DLC1: variants seen among roughly 807,000 people sequenced by gnomAD.
DLC1 encodes DLC1 Rho GTPase activating protein.
DLC1 carries 54 observed loss-of-function variants against 140.3 expected under a neutral mutation model. The observed-to-expected ratio is 0.38, with a 90% confidence interval of 0.31 to 0.48. The LOEUF (loss-of-function observed/expected upper bound fraction) is 0.48, where lower values mean the gene tolerates loss of function less well. Among genes scored for constraint, DLC1 ranks in the 20% least tolerant of loss-of-function variants. The probability of loss-of-function intolerance (pLI) is 0.96; values close to 1 mark genes in which losing one functional copy is unlikely to be tolerated. For synonymous variants in DLC1, 986 were observed against 728.1 expected (o/e 1.35, Z -5.70); for missense variants, 2,536 against 1,907.0 (o/e 1.33, Z -6.14).
intron 2 of DLC1, among the ~76,000 whole-genome samples, chr8:13,470,306 C>A (rs1800147984): frequency 6.6e-6 from 1 of 152,096 alleles, no homozygotes; most frequent in African/African-American, 2.4e-5. Context: ...AAAATACTTG[C>A]AAACCATATA....
At chr8:13,262,462 C>G (rs1382581573) in intron 5 of DLC1, among the ~76,000 whole-genome samples, 1 of 151,940 alleles carries the variant, frequency 6.6e-6, no homozygotes, top group Non-Finnish European at 1.5e-5. Flanking sequence ...ACATGGACAA[C>G]TTAGTAAAAT....
At chr8:13,437,484 A>G (rs1233026469) in intron 2 of DLC1, among the ~76,000 whole-genome samples, 1 of 152,196 alleles carries the variant, frequency 6.6e-6, no homozygotes, top group Non-Finnish European at 1.5e-5. Context: ...CAAGTAAATC[A>G]TGTTCACATT....
intron 4 of DLC1, among the ~76,000 whole-genome samples, chr8:13,323,559 T>C: frequency 6.6e-6 from 1 of 152,204 alleles, no homozygotes; most frequent in East Asian, 1.9e-4. Context: ...AATTTATATT[T>C]GTTGAGCTCT....
chr8:13,207,158 A>G lies in DLC1; in HGVS notation c.1349-91501T>C, dbSNP rs937469510. ...CTCATACACAAATTTTAAAAATCTG[A>G]ATACAGTTTTCCAATCAATTAAAAT... On this transcript the variant is annotated intron_variant, in intron 5 of 17. Transcript: ENST00000276297. Among the ~76,000 whole-genome samples, 21 of 152,308 alleles carry G rather than the reference A, an allele frequency of 1.4e-4. 2 individuals are homozygous for G. Among genetic ancestry groups the G allele is most frequent in the Admixed American group, 1.2e-3 (18 of 15,284 alleles).
chr8:13,150,760 A>G (rs751573259), intron 5 of DLC1, among the ~76,000 whole-genome samples: 7 of 152,362 alleles, frequency 4.6e-5, no homozygotes, highest in South Asian at 2.1e-4. Context: ...TAAAGGCTTC[A>G]AGCATAAAAT....
chr8:13,566,422 C>G (rs1324070236), intron 1 of DLC1, among the ~76,000 whole-genome samples: 29 of 144,192 alleles, frequency 2.0e-4, no homozygotes, highest in Admixed American at 2.0e-3. Flanking sequence ...AACACTACTT[C>G]TTACAGAATG....
At chr8:13,318,810 C>T (rs1586128678) in intron 4 of DLC1, among the ~76,000 whole-genome samples, 3 of 152,348 alleles carry the variant, frequency 2.0e-5, no homozygotes, top group African/African-American at 7.2e-5. Context: ...GCTGAACCTT[C>T]CCTCTCTTCT....
intron 1 of DLC1, chr8:13,567,945 T>A: frequency 1.3e-6 from 2 of 1,543,306 alleles, no homozygotes; most frequent in South Asian, 1.2e-5. Flanking sequence ...TTAATGATAA[T>A]GTGTAATGTG....
rs368596922 is a variant in DLC1, at chr8:13,432,431, C to G, written c.1024-30812G>C. Among the ~76,000 whole-genome samples, 35 of 152,278 alleles carry G rather than the reference C, an allele frequency of 2.3e-4. No homozygotes were observed. In the East Asian group the frequency reaches 2.3e-3, roughly 10 times the overall value. ...ACAATACATCTTATATGCACTCATG[C>G]TAATGGAGACATTCGAATTCTTATT... On this transcript the variant is annotated intron_variant, in intron 2 of 17. Coordinates refer to ENST00000276297, the MANE Select transcript of DLC1 (RefSeq NM_182643.3).
chr8:13,370,165 C>T (rs1045581620), intron 4 of DLC1, among the ~76,000 whole-genome samples: 4 of 151,766 alleles, frequency 2.6e-5, no homozygotes, highest in Admixed American at 2.6e-4. Context: ...TGTCTAAAGG[C>T]CACAGCTCAC....
rs556142626 is a variant in DLC1, at chr8:13,441,649, C to A, written c.1024-40030G>T. 2.0e-5 allele frequency among the ~76,000 whole-genome samples: 3 copies of A among 152,216 alleles called. No homozygotes were observed. The South Asian group carries it at 6.2e-4, about 32-fold the overall frequency. ...ATAAAATACCTAGGAATCCAACTTACAAGGGACGTGAAGGACCTCTTCAAG... is the reference window on the plus strand; with the variant it reads ...ATAAAATACCTAGGAATCCAACTTAAAAGGGACGTGAAGGACCTCTTCAAG... On this transcript the variant is annotated intron_variant, in intron 2 of 17. Transcript: ENST00000276297.
At position 13,511,424 on chromosome 8, in the gene DLC1, A is replaced by G. The variant is rs914419567; in HGVS notation, c.-126+3178T>C. On this transcript the variant is annotated intron_variant, in intron 1 of 17. Coordinates refer to ENST00000276297, the MANE Select transcript of DLC1 (RefSeq NM_182643.3). Reference sequence around the variant, plus strand: ...AACAATCTTTTTTAACTGGGCCTCAAGGTCCTAGTTTATTCATTATTATTC... The same window carrying G: ...AACAATCTTTTTTAACTGGGCCTCAGGGTCCTAGTTTATTCATTATTATTC... Among the ~76,000 whole-genome samples the G allele has an allele frequency of 4.6e-5, 7 of 152,152 alleles. 1 individual carries two copies. Among genetic ancestry groups the G allele is most frequent in the Non-Finnish European group, 1.0e-4 (7 of 68,010 alleles).
At chr8:13,309,324 T>C (rs945650604) in intron 4 of DLC1, among the ~76,000 whole-genome samples, 2 of 152,200 alleles carry the variant, frequency 1.3e-5, no homozygotes, top group African/African-American at 4.8e-5. Flanking sequence ...CATAGTCTTT[T>C]GTTTTTCTTC....
Position 13,499,676 on chromosome 8 carries a change from C to T in DLC1, c.396G>A (p.Gly132=), listed in dbSNP as rs1220670526. ...TCATATGTTGGCCTGATGTTTTCTG[C>T]CCTTGGGTATTTAAAACCTGTTTAT... ...TDDKQVLNTQ[G]QKTSGQHMIQ... is the part of the protein sequence containing the mutation. Residue 132 remains glycine, a synonymous_variant, in exon 2 of 18, where the codon GGG becomes GGA. Transcript: ENST00000276297. 1.9e-6 allele frequency: 3 copies of T among 1,613,982 alleles called. No homozygotes were observed. Among genetic ancestry groups the T allele is most frequent in the African/African-American group, 2.7e-5 (2 of 74,890 alleles).
intron 4 of DLC1, among the ~76,000 whole-genome samples, chr8:13,317,440 G>A (rs1390673117): frequency 2.0e-5 from 3 of 152,112 alleles, no homozygotes; most frequent in African/African-American, 7.2e-5. Context: ...AGATTGCTTT[G>A]CTAACTAAAC....
intron 1 of DLC1, among the ~76,000 whole-genome samples, chr8:13,600,206 A>G (rs1805828948): frequency 2.0e-5 from 3 of 151,940 alleles, no homozygotes; most frequent in Non-Finnish European, 4.4e-5. Flanking sequence ...AAGCTAGTGC[A>G]CTATGAAGAG....
chr8:13,400,575 T>A (rs1464347190), intron 3 of DLC1, among the ~76,000 whole-genome samples: 1 of 152,164 alleles, frequency 6.6e-6, no homozygotes, highest in Non-Finnish European at 1.5e-5. Flanking sequence ...GTTTACAATT[T>A]AAATAAAGGC....
chr8:13,538,374 A>AG (rs1563427609), intron 1 of DLC1, among the ~76,000 whole-genome samples: 1 of 152,128 alleles, frequency 6.6e-6, no homozygotes. Context: ...AGTATAAAAA[A>AG]AAAAAACAGC....
At chr8:13,491,470 T>C (rs1279300663) in intron 2 of DLC1, among the ~76,000 whole-genome samples, 1 of 152,194 alleles carries the variant, frequency 6.6e-6, no homozygotes, top group African/African-American at 2.4e-5. Flanking sequence ...AATATGTATG[T>C]TATAGAACAT....
Sources: allele counts gnomAD v4.1 joint callset (sites outside exome capture counted in the v4.1 genomes callset), GRCh38; gene constraint gnomAD v4.1.1; transcripts MANE v1.5; gene names NCBI Gene and HGNC (gene_info 2026-07-23, HGNC 2026-07-21).